GREB1L: variants seen among roughly 807,000 people sequenced by gnomAD.
GREB1L encodes GREB1 like retinoic acid receptor coactivator.
A neutral mutation model predicts 200.8 loss-of-function variants in GREB1L; 17 were observed. The ratio of observed to expected loss-of-function variants is 0.08; its 90% CI spans 0.06 to 0.13. The LOEUF is 0.13. Ranked by LOEUF, GREB1L falls within the 10% of genes least tolerant of loss-of-function variation. The pLI is 1.00. For synonymous variants in GREB1L, 789 were observed against 893.0 expected (o/e 0.88, Z 2.08); for missense variants, 1,657 against 2,367.7 (o/e 0.70, Z 6.23).
At chr18:21,352,900 G>C (rs2039453530) in intron 1 of GREB1L, among the ~76,000 whole-genome samples, 1 of 152,024 alleles carries the variant, frequency 6.6e-6, no homozygotes, top group South Asian at 2.1e-4. Context: ...GGACCATATA[G>C]TCTGAGCACG....
chr18:21,362,065 A>C (rs2039587913), intron 1 of GREB1L, among the ~76,000 whole-genome samples: 1 of 152,110 alleles, frequency 6.6e-6, no homozygotes, highest in Non-Finnish European at 1.5e-5. Flanking sequence ...ATAATTATTT[A>C]ATCTTTTTTC....
At chr18:21,389,785 G>T (rs1230178080) in intron 4 of GREB1L, among the ~76,000 whole-genome samples, 1 of 152,136 alleles carries the variant, frequency 6.6e-6, no homozygotes, top group Non-Finnish European at 1.5e-5. Context: ...GCCAAAACTT[G>T]AATTTTAAGG....
intron 1 of GREB1L, among the ~76,000 whole-genome samples, chr18:21,353,193 AAG>A (rs2039459371): frequency 6.6e-6 from 1 of 151,760 alleles, no homozygotes. Context: ...AAAAAAAAAA[AAG>A]AAGAAAGAAA....
chr18:21,395,070 C>T (rs2040989356), intron 4 of GREB1L, among the ~76,000 whole-genome samples: 1 of 139,130 alleles, frequency 7.2e-6, no homozygotes, highest in Non-Finnish European at 1.5e-5. Context: ...CCCACCATTG[C>T]ACTCCAGCCT....
At chr18:21,446,573 T>C (rs1038971392) in intron 11 of GREB1L, among the ~76,000 whole-genome samples, 1 of 152,206 alleles carries the variant, frequency 6.6e-6, no homozygotes, top group Non-Finnish European at 1.5e-5. Flanking sequence ...CATGAATAGC[T>C]ATTTCTCTTT....
chr18:21,473,039 G>A lies in GREB1L; in HGVS notation c.2191G>A (p.Val731Ile). The change falls in exon 16 of 33, where the codon GTA becomes ATA. Residue 731 changes from valine to isoleucine, a missense_variant. By Grantham distance (29) the Val-to-Ile change is conservative. Coordinates refer to ENST00000424526, the MANE Select transcript of GREB1L (RefSeq NM_001142966.3). ...LQRIRQSGVL[V>I]DLGLEENGTA... ...TTTTTTCTTCTTGGCAGGTGTCCTT[G>A]TAGACTTGGGTCTGGAGGAAAATGG... is the stretch of plus-strand genomic sequence containing the variant. 1 of 1,535,420 alleles carries A rather than the reference G, an allele frequency of 6.5e-7. No individual in the cohort carries two copies. Among genetic ancestry groups the A allele is most frequent in the Admixed American group, 2.0e-5 (1 of 48,962 alleles).
At chr18:21,338,434 A>T (rs1276460511) in intron 1 of GREB1L, among the ~76,000 whole-genome samples, 1 of 152,276 alleles carries the variant, frequency 6.6e-6, no homozygotes, top group South Asian at 2.1e-4. Flanking sequence ...ATTCAGATCA[A>T]ATATAGCCCA....
chr18:21,348,924 GAC>G (rs924096741), intron 1 of GREB1L, among the ~76,000 whole-genome samples: 5 of 152,322 alleles, frequency 3.3e-5, no homozygotes, highest in African/African-American at 1.2e-4. Flanking sequence ...CAGCCTGGGT[GAC>G]AGAGTGAGAC....
At chr18:21,435,473 A>G (rs866260552) in intron 7 of GREB1L, among the ~76,000 whole-genome samples, 45 of 152,206 alleles carry the variant, frequency 3.0e-4, no homozygotes, top group African/African-American at 1.1e-3. Context: ...GGCAATGTAC[A>G]GAAGAACGCA....
chr18:21,318,002 G>C (rs577474070), intron 1 of GREB1L, among the ~76,000 whole-genome samples: 36 of 151,710 alleles, frequency 2.4e-4, no homozygotes, highest in African/African-American at 8.5e-4. Context: ...CAGCTACTCC[G>C]GAGGCTGAAG....
At chr18:21,406,380 G>T (rs542795352) in intron 7 of GREB1L, among the ~76,000 whole-genome samples, 15 of 152,270 alleles carry the variant, frequency 9.9e-5, no homozygotes, top group African/African-American at 3.6e-4. Context: ...CCCTTGTGAG[G>T]ATGTAAGTGG....
chr18:21,349,370 C>T (rs894323147), intron 1 of GREB1L, among the ~76,000 whole-genome samples: 2 of 152,228 alleles, frequency 1.3e-5, no homozygotes, highest in African/African-American at 4.8e-5. Flanking sequence ...AATCTCCATC[C>T]CCCAAATCAT....
rs2034420946 is a variant in GREB1L, at chr18:21,449,679, G to C, written c.1563G>C (p.Leu521Phe). Residue 521 changes from leucine to phenylalanine, a missense_variant, in exon 12 of 33, where the codon TTG (leucine) becomes TTC (phenylalanine). Leu to Phe is a conservative substitution (Grantham distance 22, BLOSUM62 0). This residue lies in a region of GREB1L where 289 missense variants were observed against 345.1 expected (regional missense o/e 0.84). Coordinates refer to ENST00000424526, the MANE Select transcript of GREB1L (RefSeq NM_001142966.3). ...ARLIASVSQD[L>F]VHVVVTQNSL... ...TAATTGCCAGCGTATCTCAAGACTT[G>C]GTTCATGTGGTTGTGACCCAGAACT... The C allele has an allele frequency of 6.4e-7, 1 of 1,551,488 alleles. No homozygotes were observed. Among genetic ancestry groups the C allele is most frequent in the Non-Finnish European group, 8.7e-7 (1 of 1,146,988 alleles).
chr18:21,260,833 C>T (rs935385132), intron 1 of GREB1L, among the ~76,000 whole-genome samples: 5 of 151,884 alleles, frequency 3.3e-5, no homozygotes, highest in African/African-American at 1.2e-4. Context: ...GTAAATTTAT[C>T]TTAGAGACTC....
intron 7 of GREB1L, among the ~76,000 whole-genome samples, chr18:21,426,903 G>A (rs1423733175): frequency 6.8e-6 from 1 of 147,034 alleles, no homozygotes; most frequent in East Asian, 2.0e-4. Context: ...AGTTTGCAGC[G>A]AGCCGAGATC....
At chr18:21,389,176 C>T (rs975784451) in intron 4 of GREB1L, among the ~76,000 whole-genome samples, 7 of 151,996 alleles carry the variant, frequency 4.6e-5, no homozygotes, top group African/African-American at 1.7e-4. Context: ...TGGGTTCATT[C>T]GTTTATTTAT....
intron 2 of GREB1L, among the ~76,000 whole-genome samples, chr18:21,377,917 A>G (rs1263420593): frequency 2.6e-5 from 4 of 152,042 alleles, no homozygotes; most frequent in African/African-American, 9.7e-5. Flanking sequence ...TCTCAAAAAA[A>G]ACAGAGACAA....
At chr18:21,478,202 T>TCCCA (rs2035784180) in intron 17 of GREB1L, among the ~76,000 whole-genome samples, 2 of 152,210 alleles carry the variant, frequency 1.3e-5, no homozygotes, top group Non-Finnish European at 2.9e-5. Context: ...GCACTGTTAC[T>TCCCA]TTAGATAACT....
intron 17 of GREB1L, 104 bp from the exon 18 acceptor site, chr18:21,485,516 G>T (rs1373769809): frequency 6.5e-5 from 66 of 1,022,874 alleles, no homozygotes; most frequent in Non-Finnish European, 8.7e-5. Context: ...TACTTGTCAG[G>T]AAATAACCTC....
Sources: allele counts gnomAD v4.1 joint callset (sites outside exome capture counted in the v4.1 genomes callset), GRCh38; gene constraint gnomAD v4.1.1; regional missense constraint gnomAD v4.1.1; transcripts MANE v1.5; gene names NCBI Gene and HGNC (gene_info 2026-07-23, HGNC 2026-07-21).